Variants in LIF observed in about 807,000 individuals in gnomAD.
LIF encodes leukemia inhibitory factor.
Under a neutral mutation model 15.0 loss-of-function variants are expected in LIF, and 9 were observed. The ratio of observed to expected loss-of-function variants is 0.60; its 90% CI spans 0.36 to 1.04. LIF has a LOEUF of 1.04. LIF is among the 50% of genes least tolerant of loss of function. The pLI, the probability that LIF is intolerant of heterozygous loss-of-function variation, is 0.01. For missense variants in LIF, 240 were observed against 266.7 expected, an observed-to-expected ratio of 0.90 and a Z score of 0.70; for synonymous variants, 122 against 119.7, an observed-to-expected ratio of 1.02 and a Z score of -0.13.
chr22:30,244,143 G>T, intron 2 of LIF, 82 bp from the exon 3 acceptor site: 1 of 1,378,170 alleles, frequency 7.3e-7, no homozygotes, highest in Non-Finnish European at 9.9e-7. Context: ...AAGCTCTTGC[G>T]TCTGTTTCCC....
At chr22:30,245,246 A>G (rs1182047620) in intron 1 of LIF, among the ~76,000 whole-genome samples, 1 of 152,180 alleles carries the variant, frequency 6.6e-6, no homozygotes, top group African/African-American at 2.4e-5. Context: ...CCTTTCCCTC[A>G]GGAAGGCAAA....
Position 30,246,644 on chromosome 22 carries a change from G to A in LIF, c.19+33C>T. 2.6e-6 allele frequency: 4 copies of A among 1,548,728 alleles called. 1 individual carries two copies. The highest frequency in any genetic ancestry group is 3.9e-5 in the Admixed American group (2 of 51,246). ...AGTTGCCGCCGCGCCCCGCAGCGGG[G>A]ACGCGAAGCCGGCGCGGGGCGGGTG... On this transcript the variant is annotated intron_variant, in intron 1 of 2. Transcript: ENST00000249075.
At chr22:30,246,386 G>T in intron 1 of LIF, 1 of 881,128 alleles carries the variant, frequency 1.1e-6, no homozygotes, top group Non-Finnish European at 1.5e-6. Context: ...GCCAGCGAGT[G>T]TCCGGAGCGA....
At chr22:30,244,097 G>A (rs1461096918) in intron 2 of LIF, 36 bp from the exon 3 acceptor site, 1 of 1,575,338 alleles carries the variant, frequency 6.3e-7, no homozygotes, top group Non-Finnish European at 8.6e-7. Flanking sequence ...GGGAGTCAGG[G>A]GTCAGTGTCC....
rs201964524 is a variant in LIF at position 30,243,672 on chromosome 22, G to A, written c.588C>T (p.Ala196=). The A allele has an allele frequency of 1.9e-5, 30 of 1,614,216 alleles. No individual in the cohort carries two copies. Among genetic ancestry groups the A allele is most frequent in the African/African-American group, 6.7e-5 (5 of 75,062 alleles). The change falls in exon 3 of 3, where the codon GCC becomes GCT. Residue 196 remains alanine (A), a synonymous_variant. Coordinates refer to ENST00000249075, the MANE Select transcript of LIF (RefSeq NM_002309.5). The surrounding 1 kb of genome is among the most constrained non-coding windows in gnomAD (Gnocchi z 6.0). The part of the protein sequence containing the change: ...QLLGKYKQII[A]VLAQAF ...CCTGCTAGAAGGCCTGGGCCAACACGGCGATGATCTGCTTATACTTCCCCA... is the reference window on the plus strand; with the variant it reads ...CCTGCTAGAAGGCCTGGGCCAACACAGCGATGATCTGCTTATACTTCCCCA...
At chr22:30,245,440 G>A (rs1433310479) in intron 1 of LIF, among the ~76,000 whole-genome samples, 1 of 152,142 alleles carries the variant, frequency 6.6e-6, no homozygotes, top group Non-Finnish European at 1.5e-5. Context: ...GGGGCCACGG[G>A]GCATGGGGGA....
intron 1 of LIF, chr22:30,246,253 C>T (rs1282873786): frequency 2.7e-5 from 5 of 182,998 alleles, no homozygotes; most frequent in Admixed American, 2.6e-4. Flanking sequence ...AGCTGCTCGC[C>T]GCCCGCGCCC....
chr22:30,243,152 C>T lies in LIF; in HGVS notation c.*499G>A. On this transcript the variant is annotated 3_prime_UTR_variant, in exon 3 of 3. Transcript: ENST00000249075. This position sits in a 1 kb window ranked among gnomAD's most constrained non-coding sequence, Gnocchi z 6.0. ...ATCCCAGAGGCCCCTCTCTATCTTC[C>T]ACTCATCAAACTTCTAGGGGACAAG... The T allele has an allele frequency of 1.1e-5, 2 of 188,654 alleles. No individual in the cohort carries two copies. The highest frequency in any genetic ancestry group is 1.1e-4 in the South Asian group (1 of 9,474). The allele number at this position is 188,654 out of a possible 1,614,324, so 11.7% of individuals were successfully genotyped here.
intron 1 of LIF, chr22:30,246,442 G>C: frequency 8.3e-7 from 1 of 1,206,644 alleles, no homozygotes; most frequent in Non-Finnish European, 1.0e-6. Flanking sequence ...GGAGGAGGAG[G>C]AAGGCTCGGC....
Position 30,243,439 on chromosome 22 carries a change from CTAGCTCCCTCCCTA to C in LIF, c.*198_*211del. Reference sequence around the variant, plus strand: ...CTCCCAGAGGAAGGGGCACCTTCTTCTAGCTCCCTCCCTATGGAAGTTTCCACTCTGCTCAGCTT... The same window carrying C: ...CTCCCAGAGGAAGGGGCACCTTCTTCTGGAAGTTTCCACTCTGCTCAGCTT... On this transcript the variant is annotated 3_prime_UTR_variant, in exon 3 of 3. Coordinates refer to ENST00000249075, the MANE Select transcript of LIF (RefSeq NM_002309.5). This position sits in a 1 kb window ranked among gnomAD's most constrained non-coding sequence, Gnocchi z 6.0. The C allele has an allele frequency of 1.6e-6, 1 of 619,478 alleles. No individual in the cohort carries two copies. The highest frequency in any genetic ancestry group is 2.8e-6 in the Non-Finnish European group (1 of 351,790). The allele number at this position is 619,478 out of a possible 1,614,324, so 38.4% of individuals were successfully genotyped here. A position where few individuals can be genotyped will look rare whatever the true frequency, so the allele number is the denominator to read the frequency against.
chr22:30,244,138 C>G, intron 2 of LIF, 77 bp from the exon 3 acceptor site: 1 of 1,417,498 alleles, frequency 7.1e-7, no homozygotes, highest in South Asian at 1.3e-5. Context: ...TGGGCAAGCT[C>G]TTGCGTCTGT....
intron 1 of LIF, among the ~76,000 whole-genome samples, chr22:30,245,711 G>T (rs1449308213): frequency 6.6e-6 from 1 of 152,118 alleles, no homozygotes; most frequent in Admixed American, 6.5e-5. Context: ...CGACTCATCC[G>T]CTGTCCCTTG....
At chr22:30,245,146 T>G (rs1230088506) in intron 1 of LIF, among the ~76,000 whole-genome samples, 1 of 152,182 alleles carries the variant, frequency 6.6e-6, no homozygotes, top group Non-Finnish European at 1.5e-5. Flanking sequence ...CTCCCTGCTC[T>G]CTTCTGGGAT....
intron 2 of LIF, 50 bp from the exon 3 acceptor site, chr22:30,244,111 C>G (rs1036076889): frequency 1.3e-6 from 2 of 1,544,696 alleles, no homozygotes; most frequent in African/African-American, 2.7e-5. Flanking sequence ...AGTGTCCCAG[C>G]CCTGCCGCCA....
chr22:30,243,173 A>C lies in LIF; in HGVS notation c.*478T>G. On this transcript the variant is annotated 3_prime_UTR_variant, in exon 3 of 3. Transcript: ENST00000249075. This position sits in a 1 kb window ranked among gnomAD's most constrained non-coding sequence, Gnocchi z 6.0. ...CTTCCACTCATCAAACTTCTAGGGG[A>C]CAAGGAGTCCTTTGGGATCCTAGCC... 1 of 212,142 alleles carries C rather than the reference A, an allele frequency of 4.7e-6. No individual in the cohort carries two copies. The highest frequency in any genetic ancestry group is 9.7e-6 in the Non-Finnish European group (1 of 103,474). 13.1% of individuals were successfully genotyped at this position (212,142 alleles called of 1,614,324 possible). A position where few individuals can be genotyped will look rare whatever the true frequency, so the allele number is the denominator to read the frequency against.
At chr22:30,245,050 C>T (rs1928829567) in intron 1 of LIF, 117 bp from the exon 2 acceptor site, 2 of 913,142 alleles carry the variant, frequency 2.2e-6, no homozygotes, top group African/African-American at 1.6e-5. Context: ...CTGGTTCCCC[C>T]TCACCACCTG....
Position 30,242,554 on chromosome 22 carries a change from C to T in LIF, c.*1097G>A, listed in dbSNP as rs1380814026. The stretch of plus-strand genomic sequence containing the variant: ...GAATTAACTTGGCCACTGAAAGCAC[C>T]AATAAGTTAATATAAATAGGATATC... On this transcript the variant is annotated 3_prime_UTR_variant, in exon 3 of 3. Coordinates refer to ENST00000249075, the MANE Select transcript of LIF (RefSeq NM_002309.5). The T allele has an allele frequency of 6.6e-6, 1 of 152,640 alleles. No homozygotes were observed. The highest frequency in any genetic ancestry group is 1.5e-5 in the Non-Finnish European group (1 of 68,022). The allele number at this position is 152,640 out of a possible 1,614,324, so 9.5% of individuals were successfully genotyped here.
rs1928691500 is a variant in LIF, at chr22:30,242,062, G to A, written c.*1589C>T. 1 of 153,386 alleles carries A rather than the reference G, an allele frequency of 6.5e-6. No individual in the cohort carries two copies. Among genetic ancestry groups the A allele is most frequent in the Non-Finnish European group, 1.5e-5 (1 of 68,634 alleles). The allele number at this position is 153,386 out of a possible 1,614,324, so 9.5% of individuals were successfully genotyped here. On this transcript the variant is annotated 3_prime_UTR_variant, in exon 3 of 3. Coordinates refer to ENST00000249075, the MANE Select transcript of LIF (RefSeq NM_002309.5). ...TCGGAGCATGCTGGGTGCAGGGGCA[G>A]GGTTGTTCCAGGGCGCTATTTCAGA...
Position 30,243,504 on chromosome 22 carries a change from T to C in LIF, c.*147A>G. 1.1e-6 allele frequency: 1 copy of C among 896,434 alleles called. No individual in the cohort carries two copies. The highest frequency in any genetic ancestry group is 1.8e-6 in the Non-Finnish European group (1 of 556,352). 55.5% of individuals were successfully genotyped at this position (896,434 alleles called of 1,614,324 possible). On this transcript the variant is annotated 3_prime_UTR_variant, in exon 3 of 3. Coordinates refer to ENST00000249075, the MANE Select transcript of LIF (RefSeq NM_002309.5). This position sits in a 1 kb window ranked among gnomAD's most constrained non-coding sequence, Gnocchi z 6.0. The stretch of plus-strand genomic sequence containing the variant: ...CATCACAGCCCAGCCCAGAGTGGAG[T>C]GGACTGGCCAGGCACCCTCGGGGTC...
Sources: gnomAD v4.1 joint callset for allele counts (sites outside exome capture counted in the v4.1 genomes callset) on GRCh38, gnomAD v4.1.1 for gene constraint, Gnocchi (gnomAD v3.1) non-coding constraint, MANE v1.5 for transcripts, NCBI Gene and HGNC (gene_info 2026-07-23, HGNC 2026-07-21) for gene names.